The following HECW1 variants were observed in gnomAD, a reference collection of about 807,000 sequenced individuals.
HECW1 encodes HECT, C2 and WW domain containing E3 ubiquitin protein ligase 1, also known as E3 ubiquitin-protein ligase HECW1.
HECW1 carries 61 observed loss-of-function variants against 182.3 expected under a neutral mutation model. That is an observed-to-expected ratio of 0.33 (90% CI 0.27 to 0.41). The LOEUF is 0.41. Among genes scored for constraint, HECW1 ranks in the 10% least tolerant of loss-of-function variants. HECW1 has a pLI of 1.00. For synonymous variants in HECW1, 859 were observed against 832.6 expected (o/e 1.03, Z -0.55); for missense variants, 1,739 against 2,108.9 (o/e 0.82, Z 3.44).
intron 24 of HECW1, among the ~76,000 whole-genome samples, chr7:43,514,965 C>T (rs528343147): frequency 1.3e-5 from 2 of 152,006 alleles, no homozygotes; most frequent in Admixed American, 6.5e-5. Context: ...GGATCTAGCC[C>T]CCATTCAAAG....
intron 16 of HECW1, among the ~76,000 whole-genome samples, chr7:43,476,770 C>CA (rs1024160156): frequency 6.6e-6 from 1 of 151,896 alleles, no homozygotes; most frequent in African/African-American, 2.4e-5. Flanking sequence ...AATATTATAC[C>CA]AAAATAAGTT....
At chr7:43,316,767 T>TCCCTCCTCTCCCCTCATCCCCTCCCC (rs1809324309) in intron 4 of HECW1, among the ~76,000 whole-genome samples, 1 of 2,942 alleles carries the variant, frequency 3.4e-4, no homozygotes, top group Non-Finnish European at 7.6e-4. Flanking sequence ...CCCCTCCCCT[T>TCCCTCCTCTCCCCTCATCCCCTCCCC]TTCTCTCCTC....
chr7:43,507,199 C>T lies in HECW1; in HGVS notation c.3694C>T (p.Arg1232Cys), dbSNP rs771124413. ...PYRRDFEAKL[R>C]NFYRKLEAKG... ...CCGAAGAGACTTTGAGGCCAAGCTC[C>T]GCAATTTCTACAGAAAACTGGAAGC... The change falls in exon 22 of 30, where the codon CGC (arginine) becomes TGC (cysteine). Residue 1232 changes from arginine (R) to cysteine (C), a missense_variant. Physicochemically the swap from Arg to Cys is radical, Grantham distance 180. Coordinates refer to ENST00000395891, the MANE Select transcript of HECW1 (RefSeq NM_015052.5). 4.3e-6 allele frequency: 7 copies of T among 1,613,916 alleles called. No homozygotes were observed. The highest frequency in any genetic ancestry group is 1.1e-5 in the South Asian group (1 of 91,076).
At position 43,211,385 on chromosome 7, in the gene HECW1, C is replaced by T. The variant is rs753008356; in HGVS notation, c.-31-32490C>T. On this transcript the variant is annotated intron_variant, in intron 2 of 29. Coordinates refer to ENST00000395891, the MANE Select transcript of HECW1 (RefSeq NM_015052.5). ...CTTTCTCCTCCGTGAATGAATGAAA[C>T]GGTTCTGTAAGTATCCAAGTGTGAA... 1.1e-4 allele frequency among the ~76,000 whole-genome samples: 17 copies of T among 152,188 alleles called. 1 individual carries two copies. Among genetic ancestry groups the T allele is most frequent in the African/African-American group, 2.4e-5 (1 of 41,426 alleles).
chr7:43,375,826 A>G (rs2074298379), intron 6 of HECW1, among the ~76,000 whole-genome samples: 1 of 150,758 alleles, frequency 6.6e-6, no homozygotes, highest in African/African-American at 2.4e-5. Flanking sequence ...CCTGGAGGTC[A>G]AGGCTGCAGT....
rs373898042 is a variant in HECW1 at position 43,130,887 on chromosome 7, TA to T, written c.-32+16498del. 7.4e-3 allele frequency among the ~76,000 whole-genome samples: 1,130 copies of T among 152,340 alleles called. 11 individuals carry two copies. The highest frequency in any genetic ancestry group is 0.026 in the African/African-American group (1,065 of 41,578). On this transcript the variant is annotated intron_variant, in intron 2 of 29. Transcript: ENST00000395891. ...CCTGTATTAATAACTGGGTATACAA[TA>T]ATCTACTTAGTACTTTGTGTATATG...
intron 5 of HECW1, among the ~76,000 whole-genome samples, chr7:43,350,118 A>G (rs544933887): frequency 1.1e-4 from 16 of 152,252 alleles, no homozygotes; most frequent in Admixed American, 1.0e-3. Context: ...TCCTTCATAT[A>G]TGATGCTTAG....
chr7:43,279,713 C>T (rs987032678), intron 3 of HECW1, among the ~76,000 whole-genome samples: 3 of 152,154 alleles, frequency 2.0e-5, no homozygotes, highest in Non-Finnish European at 2.9e-5. Context: ...CACCTTGATT[C>T]TCTTATGGCA....
intron 6 of HECW1, among the ~76,000 whole-genome samples, chr7:43,378,595 G>C (rs1474445881): frequency 6.6e-6 from 1 of 152,062 alleles, no homozygotes. Context: ...ACTTGAGGTC[G>C]GGAGTTTGAG....
intron 3 of HECW1, among the ~76,000 whole-genome samples, chr7:43,251,346 A>G (rs977370438): frequency 1.3e-5 from 2 of 151,956 alleles, no homozygotes; most frequent in Non-Finnish European, 2.9e-5. Flanking sequence ...GTCTCACTCT[A>G]TCACCCAGAC....
intron 3 of HECW1, among the ~76,000 whole-genome samples, chr7:43,255,397 A>G (rs11764657): frequency 0.39 from 59,099 of 151,942 alleles, 13,385 homozygotes; most frequent in African/African-American, 0.63. Flanking sequence ...TCAGGAGTTC[A>G]AGACCAGCCT....
At chr7:43,251,830 C>T (rs1800065069) in intron 3 of HECW1, among the ~76,000 whole-genome samples, 1 of 152,198 alleles carries the variant, frequency 6.6e-6, no homozygotes, top group Admixed American at 6.5e-5. Context: ...TATTTTGCTC[C>T]AGTTACTGTT....
At position 43,500,695 on chromosome 7, in the gene HECW1, T is replaced by C. The variant is rs1377126780; in HGVS notation, c.3438-4T>C. The C allele has an allele frequency of 6.2e-7, 1 of 1,609,994 alleles. No homozygotes were observed. Among genetic ancestry groups the C allele is most frequent in the Non-Finnish European group, 8.5e-7 (1 of 1,176,284 alleles). The stretch of plus-strand genomic sequence containing the variant: ...ATTTTCCTCTTCTTTCTCACATGAT[T>C]CAGGGAGAAAATCCATTACATTCGG... On this transcript the variant is annotated splice_polypyrimidine_tract_variant and splice_region_variant and intron_variant, in intron 19 of 29. Coordinates refer to ENST00000395891, the MANE Select transcript of HECW1 (RefSeq NM_015052.5).
intron 2 of HECW1, among the ~76,000 whole-genome samples, chr7:43,209,477 G>A (rs569322765): frequency 5.9e-5 from 9 of 152,234 alleles, no homozygotes; most frequent in South Asian, 2.1e-4. Context: ...GGGGTATCTC[G>A]CGGCTCCTGT....
chr7:43,175,883 C>G (rs1792185549), intron 2 of HECW1, among the ~76,000 whole-genome samples: 1 of 152,158 alleles, frequency 6.6e-6, no homozygotes, highest in African/African-American at 2.4e-5. Context: ...GTTCTGCCAC[C>G]TTTTCAATAC....
At chr7:43,152,116 C>G (rs1368346181) in intron 2 of HECW1, among the ~76,000 whole-genome samples, 1 of 152,084 alleles carries the variant, frequency 6.6e-6, no homozygotes, top group East Asian at 1.9e-4. Context: ...TTTGTGTAGA[C>G]AAACTAGTAT....
intron 24 of HECW1, chr7:43,523,076 T>A (rs2080575915): frequency 2.3e-6 from 1 of 434,698 alleles, no homozygotes; most frequent in South Asian, 1.7e-5. Flanking sequence ...CGATCTTGGC[T>A]CACTGCAACC....
At chr7:43,115,778 G>C (rs923091533) in intron 2 of HECW1, among the ~76,000 whole-genome samples, 2 of 152,206 alleles carry the variant, frequency 1.3e-5, no homozygotes, top group African/African-American at 4.8e-5. Flanking sequence ...TGAAATTACA[G>C]TCCCTGCAAG....
chr7:43,408,994 G>C (rs916734479), intron 8 of HECW1, among the ~76,000 whole-genome samples: 3 of 152,200 alleles, frequency 2.0e-5, no homozygotes, highest in African/African-American at 7.2e-5. Context: ...ACTTGCTTTG[G>C]AGAGGATTTC....
Sources: allele counts gnomAD v4.1 joint callset (sites outside exome capture counted in the v4.1 genomes callset), GRCh38; gene constraint gnomAD v4.1.1; transcripts MANE v1.5; gene names NCBI Gene and HGNC (gene_info 2026-07-23, HGNC 2026-07-21).